Variants in CADM1 observed in about 807,000 individuals in gnomAD.
CADM1 encodes the protein TSLC-1.
In CADM1, 15 loss-of-function variants were observed where a neutral mutation model predicts 53.1. That is an observed-to-expected ratio of 0.28 (90% CI 0.19 to 0.44). The LOEUF (loss-of-function observed/expected upper bound fraction) is 0.44. CADM1 is among the 20% of genes least tolerant of loss of function. The pLI, the probability that CADM1 is intolerant of heterozygous loss-of-function variation, is 1.00. For synonymous variants in CADM1, 281 were observed against 243.0 expected (o/e 1.16, Z -1.45); for missense variants, 434 against 611.3 (o/e 0.71, Z 3.06).
chr11:115,169,603 G>A lies in CADM1; in HGVS notation c.*6871C>T, dbSNP rs746144916. On this transcript the variant is annotated 3_prime_UTR_variant, in exon 12 of 12. Coordinates refer to ENST00000331581, the MANE Select transcript of CADM1 (RefSeq NM_001301043.2). ...AGCTGCCCTCATCACTTTATTCTGG[G>A]AGAGGAGGTTAGAGAAAACAGGCCT... The A allele has an allele frequency of 1.4e-4, 62 of 456,656 alleles. No homozygotes were observed. Among genetic ancestry groups the A allele is most frequent in the South Asian group, 9.6e-4 (62 of 64,566 alleles). 28.3% of individuals were successfully genotyped at this position (456,656 alleles called of 1,614,324 possible).
chr11:115,319,989 G>A (rs1205141588), intron 1 of CADM1, among the ~76,000 whole-genome samples: 4 of 152,004 alleles, frequency 2.6e-5, no homozygotes, highest in Non-Finnish European at 5.9e-5. Context: ...CAAAAAAATC[G>A]GCAAGTTACC....
rs1052676210 is a variant in CADM1 at position 115,468,157 on chromosome 11, C to T, written c.124+36114G>A. Among the ~76,000 whole-genome samples, 13 of 152,108 alleles carry T rather than the reference C, an allele frequency of 8.5e-5. 1 individual carries two copies. Among genetic ancestry groups the T allele is most frequent in the African/African-American group, 3.1e-4 (13 of 41,414 alleles). On this transcript the variant is annotated intron_variant, in intron 1 of 11. Transcript: ENST00000331581. The stretch of plus-strand genomic sequence containing the variant: ...TTTTGCACATTTTAATTTCCTACTT[C>T]CAGTGTTTACCAAAATTTTATTTAA...
intron 5 of CADM1, among the ~76,000 whole-genome samples, chr11:115,218,441 T>A (rs1472597225): frequency 6.6e-6 from 1 of 152,200 alleles, no homozygotes; most frequent in Non-Finnish European, 1.5e-5. Flanking sequence ...GTTCTTGTTT[T>A]CAAATGAGAA....
chr11:115,345,599 T>C (rs1945555884), intron 1 of CADM1, among the ~76,000 whole-genome samples: 5 of 152,224 alleles, frequency 3.3e-5, no homozygotes, highest in Admixed American at 3.3e-4. Context: ...CTCAGCTGGA[T>C]AGTGTGTAGG....
chr11:115,434,393 A>C (rs982771404), intron 1 of CADM1, among the ~76,000 whole-genome samples: 1 of 152,228 alleles, frequency 6.6e-6, no homozygotes, highest in Admixed American at 6.5e-5. Context: ...TACCATATGC[A>C]AGGCACCAAG....
chr11:115,388,574 T>C lies in CADM1; in HGVS notation c.124+115697A>G, dbSNP rs546687596. ...ATCACCAACAAAGGGTAGAAGGACATTGGGTACCTCTGGATGTAATAGTGT... is the reference window on the plus strand; with the variant it reads ...ATCACCAACAAAGGGTAGAAGGACACTGGGTACCTCTGGATGTAATAGTGT... On this transcript the variant is annotated intron_variant, in intron 1 of 11. Transcript: ENST00000331581. Among the ~76,000 whole-genome samples the C allele has an allele frequency of 1.1e-3, 162 of 152,060 alleles. 1 individual carries two copies. The highest frequency in any genetic ancestry group is 3.7e-3 in the African/African-American group (155 of 41,460).
intron 1 of CADM1, among the ~76,000 whole-genome samples, chr11:115,384,719 T>C (rs903706243): frequency 1.3e-5 from 2 of 152,226 alleles, no homozygotes; most frequent in Non-Finnish European, 2.9e-5. Context: ...AAGGCATTTC[T>C]ATCAAGTATG....
intron 3 of CADM1, among the ~76,000 whole-genome samples, chr11:115,236,443 ACTT>A (rs1176146575): frequency 1.3e-5 from 2 of 152,208 alleles, no homozygotes; most frequent in Admixed American, 6.5e-5. Flanking sequence ...AATATCTACT[ACTT>A]TTTATACTTG....
intron 1 of CADM1, among the ~76,000 whole-genome samples, chr11:115,272,709 C>T (rs12292667): frequency 0.031 from 4,153 of 134,090 alleles, 106 homozygotes; most frequent in Non-Finnish European, 0.034. Flanking sequence ...AGTTTTATTT[C>T]CTGTAAAGAA....
chr11:115,291,568 A>G (rs1024286553), intron 1 of CADM1, among the ~76,000 whole-genome samples: 8 of 152,194 alleles, frequency 5.3e-5, no homozygotes, highest in Non-Finnish European at 8.8e-5. Flanking sequence ...TACAAAGAGA[A>G]CAGCAGATTC....
chr11:115,338,863 CTTT>C (rs1945336648), intron 1 of CADM1, among the ~76,000 whole-genome samples: 1 of 93,152 alleles, frequency 1.1e-5, no homozygotes, highest in African/African-American at 3.4e-5. Flanking sequence ...GTTCCACCTT[CTTT>C]TATTTTTTTT....
intron 1 of CADM1, among the ~76,000 whole-genome samples, chr11:115,479,638 C>T (rs951436143): frequency 1.3e-5 from 2 of 152,114 alleles, no homozygotes; most frequent in Non-Finnish European, 2.9e-5. Flanking sequence ...CCATAACTGT[C>T]CTTTTATGTT....
intron 1 of CADM1, among the ~76,000 whole-genome samples, chr11:115,434,498 C>A (rs903399732): frequency 1.3e-5 from 2 of 152,196 alleles, no homozygotes; most frequent in Non-Finnish European, 1.5e-5. Flanking sequence ...CTAGTCTCTG[C>A]CATTTATTAT....
intron 1 of CADM1, among the ~76,000 whole-genome samples, chr11:115,379,738 T>G (rs1038897510): frequency 1.3e-5 from 2 of 152,200 alleles, no homozygotes; most frequent in African/African-American, 4.8e-5. Flanking sequence ...ACTTCACTTT[T>G]TGATAGTAAA....
chr11:115,432,876 T>G (rs1948091552), intron 1 of CADM1, among the ~76,000 whole-genome samples: 1 of 152,234 alleles, frequency 6.6e-6, no homozygotes, highest in Admixed American at 6.5e-5. Context: ...TTAACTTTTA[T>G]GCACTTCTGA....
intron 1 of CADM1, among the ~76,000 whole-genome samples, chr11:115,272,837 C>T (rs143030716): frequency 6.6e-6 from 1 of 151,038 alleles, no homozygotes; most frequent in Non-Finnish European, 1.5e-5. Flanking sequence ...CAGCATGGCA[C>T]ATGTATACGT....
At chr11:115,351,552 C>A (rs1945738296) in intron 1 of CADM1, among the ~76,000 whole-genome samples, 1 of 152,160 alleles carries the variant, frequency 6.6e-6, no homozygotes, top group South Asian at 2.1e-4. Context: ...GCAATGAAGT[C>A]TTCAGATTCT....
At chr11:115,489,702 G>A (rs2135424610) in intron 1 of CADM1, among the ~76,000 whole-genome samples, 1 of 152,322 alleles carries the variant, frequency 6.6e-6, no homozygotes, top group South Asian at 2.1e-4. Context: ...AGGCCATTCA[G>A]AGAAGTCTGT....
intron 1 of CADM1, among the ~76,000 whole-genome samples, chr11:115,328,743 T>TAC (rs1945051686): frequency 1.7e-5 from 1 of 57,948 alleles, no homozygotes; most frequent in African/African-American, 6.7e-5. Flanking sequence ...CATATATATA[T>TAC]ATATAGAATC....
Sources: gnomAD v4.1 joint callset for allele counts (sites outside exome capture counted in the v4.1 genomes callset) on GRCh38, gnomAD v4.1.1 for gene constraint, MANE v1.5 for transcripts, NCBI Gene and HGNC (gene_info 2026-07-23, HGNC 2026-07-21) for gene names.